EYS: variants seen among roughly 807,000 people sequenced by gnomAD.
The protein encoded by EYS is EGF-like photoreceptor maintenance factor.
A neutral mutation model predicts 282.1 loss-of-function variants in EYS; 250 were observed. That is an observed-to-expected ratio of 0.89 (90% CI 0.80 to 0.98). The LOEUF is 0.98. Ranked by LOEUF, EYS falls within the 50% of genes least tolerant of loss-of-function variation. EYS has a pLI of 0.00. For missense variants in EYS, 4,016 were observed against 3,709.0 expected (o/e 1.08, Z -2.15); for synonymous variants, 1,355 against 1,282.9 (o/e 1.06, Z -1.20).
At chr6:65,004,982 T>C (rs2150129538) in intron 13 of EYS, among the ~76,000 whole-genome samples, 1 of 148,312 alleles carries the variant, frequency 6.7e-6, no homozygotes, top group Middle Eastern at 3.4e-3. Context: ...ATTAAGAAAG[T>C]AGATTATTGG....
At chr6:64,633,689 T>A (rs7769574) in intron 22 of EYS, among the ~76,000 whole-genome samples, 4,037 of 151,672 alleles carry the variant, frequency 0.027, 197 homozygotes, top group African/African-American at 0.092. Context: ...GAAAGTTGGC[T>A]TCCTCCTACT....
In EYS at chr6:65,443,243, CAT is replaced by C. The variant is rs538666601; in HGVS notation, c.863-37878_863-37877del. ...ATACACATGTATGTGAACATATAGA[CAT>C]ATGTGTATACATATATGCAAACATA... On this transcript the variant is annotated intron_variant, in intron 5 of 42. Coordinates refer to ENST00000503581, the MANE Select transcript of EYS (RefSeq NM_001142800.2). Among the ~76,000 whole-genome samples the C allele has an allele frequency of 3.5e-4, 53 of 151,562 alleles. 7 individuals are homozygous for C. The South Asian group carries it at 6.9e-3, about 20-fold the overall frequency.
intron 12 of EYS, among the ~76,000 whole-genome samples, chr6:65,235,031 G>T (rs1041279730): frequency 1.3e-5 from 2 of 152,130 alleles, no homozygotes; most frequent in African/African-American, 4.8e-5. Flanking sequence ...GGTGGGTGAA[G>T]AATATTTTAA....
intron 21 of EYS, among the ~76,000 whole-genome samples, chr6:64,814,952 A>T (rs1764705943): frequency 6.6e-6 from 1 of 152,056 alleles, no homozygotes; most frequent in Admixed American, 6.6e-5. Flanking sequence ...TTTTTAAAAA[A>T]GTATTAACGA....
chr6:64,351,440 T>C (rs2150403495), intron 29 of EYS, among the ~76,000 whole-genome samples: 1 of 151,596 alleles, frequency 6.6e-6, no homozygotes, highest in East Asian at 2.0e-4. Context: ...CATCCATCTA[T>C]CTATCTATCA....
intron 5 of EYS, among the ~76,000 whole-genome samples, chr6:65,456,277 C>A (rs1165500563): frequency 1.3e-5 from 2 of 151,800 alleles, no homozygotes; most frequent in Non-Finnish European, 2.9e-5. Flanking sequence ...ATGGTGAAAC[C>A]CCGTCTCTAC....
At chr6:64,812,306 C>A (rs968265021) in intron 22 of EYS, among the ~76,000 whole-genome samples, 1 of 151,154 alleles carries the variant, frequency 6.6e-6, no homozygotes, top group African/African-American at 2.4e-5. Flanking sequence ...GTATATCAAA[C>A]AAAAATGGCA....
At chr6:65,633,133 G>A (rs1275960365) in intron 2 of EYS, among the ~76,000 whole-genome samples, 2 of 152,136 alleles carry the variant, frequency 1.3e-5, no homozygotes, top group African/African-American at 2.4e-5. Flanking sequence ...TTAGGGTTGT[G>A]TTTTCTCTGA....
intron 8 of EYS, among the ~76,000 whole-genome samples, chr6:65,358,599 A>AGTGTGTGTGT (rs61588307): frequency 0.029 from 4,053 of 140,816 alleles, 97 homozygotes; most frequent in African/African-American, 0.055. Context: ...AGGTTTCTGA[A>AGTGTGTGTGT]GTGTGTGTGT....
chr6:64,505,545 C>CCA lies in EYS; in HGVS notation c.5645-66195_5645-66194dup, dbSNP rs1777180581. 5.3e-5 allele frequency among the ~76,000 whole-genome samples: 8 copies of CCA among 152,262 alleles called. No individual in the cohort carries two copies. The South Asian group carries it at 1.7e-3, about 32-fold the overall frequency. On this transcript the variant is annotated intron_variant, in intron 26 of 42. Coordinates refer to ENST00000503581, the MANE Select transcript of EYS (RefSeq NM_001142800.2). ...GCCTGCAGCCCACTCAGGCAGGCTG[C>CCA]CAGTCTTATTTTGGAAGACGGCAAT...
chr6:65,296,098 G>A lies in EYS; in HGVS notation c.1788C>T (p.Tyr596=), dbSNP rs765350464. ...NRPRCSCSLS[Y]IGRLCVVNVD... ...CATTGACAACACACAATCTGCCAAT[G>A]TAACTAAGAGAACAGCTGCATCTGA... The change falls in exon 12 of 43, where the codon TAC becomes TAT. Residue 596 remains tyrosine (Y), a synonymous_variant. Coordinates refer to ENST00000503581, the MANE Select transcript of EYS (RefSeq NM_001142800.2). 6.5e-7 allele frequency: 1 copy of A among 1,549,046 alleles called. No individual in the cohort carries two copies. Among genetic ancestry groups the A allele is most frequent in the Non-Finnish European group, 8.7e-7 (1 of 1,145,838 alleles).
chr6:64,917,032 C>A (rs550895180), intron 15 of EYS, among the ~76,000 whole-genome samples: 7 of 152,088 alleles, frequency 4.6e-5, no homozygotes, highest in Non-Finnish European at 2.9e-5. Context: ...GGGTGGATCA[C>A]GAGGTCAGGA....
intron 31 of EYS, among the ~76,000 whole-genome samples, chr6:64,158,801 A>G (rs1284804426): frequency 6.6e-6 from 1 of 152,140 alleles, no homozygotes; most frequent in African/African-American, 2.4e-5. Flanking sequence ...CACAAACAAA[A>G]ATCATTCTGA....
intron 22 of EYS, among the ~76,000 whole-genome samples, chr6:64,710,550 C>T (rs1021595441): frequency 6.6e-6 from 1 of 152,254 alleles, no homozygotes; most frequent in African/African-American, 2.4e-5. Context: ...CACTCCCACC[C>T]TGTGGAGTGC....
intron 31 of EYS, among the ~76,000 whole-genome samples, chr6:64,228,887 T>C (rs1306672192): frequency 6.6e-6 from 1 of 152,054 alleles, no homozygotes; most frequent in Non-Finnish European, 1.5e-5. Flanking sequence ...GGAGAGAGAA[T>C]TGGAGATTCA....
intron 22 of EYS, among the ~76,000 whole-genome samples, chr6:64,802,023 C>CTTTTTTTTTTTTTTT (rs1199002175): frequency 2.3e-4 from 16 of 70,798 alleles, no homozygotes; most frequent in Non-Finnish European, 3.0e-4. Flanking sequence ...ATTTCTTTTT[C>CTTTTTTTTTTTTTTT]TTTTTTTTTC....
intron 1 of EYS, among the ~76,000 whole-genome samples, chr6:65,664,396 CA>C: frequency 6.6e-6 from 1 of 152,138 alleles, no homozygotes; most frequent in South Asian, 2.1e-4. Flanking sequence ...ATCCAGGATA[CA>C]AAACCCATGG....
chr6:65,512,741 CGA>C (rs1470225865), intron 2 of EYS, among the ~76,000 whole-genome samples: 1 of 151,844 alleles, frequency 6.6e-6, no homozygotes, highest in East Asian at 1.9e-4. Context: ...TTGAAACCAA[CGA>C]GAACAAAGAC....
chr6:65,296,455 T>C (rs1275782214), intron 11 of EYS, among the ~76,000 whole-genome samples: 1 of 151,750 alleles, frequency 6.6e-6, no homozygotes, highest in Non-Finnish European at 1.5e-5. Flanking sequence ...TATTATTAGG[T>C]TGGTGCAAAA....
Sources: gnomAD v4.1 joint callset for allele counts (sites outside exome capture counted in the v4.1 genomes callset) on GRCh38, gnomAD v4.1.1 for gene constraint, MANE v1.5 for transcripts, NCBI Gene and HGNC (gene_info 2026-07-23, HGNC 2026-07-21) for gene names.